The following THADA variants were observed in gnomAD, a reference collection of about 807,000 sequenced individuals.
THADA encodes THADA armadillo repeat containing, also known as tRNA (32-2'-O)-methyltransferase regulator THADA.
THADA carries 213 observed loss-of-function variants against 219.8 expected under a neutral mutation model. The observed-to-expected ratio is 0.97, with a 90% confidence interval of 0.87 to 1.09. The LOEUF (loss-of-function observed/expected upper bound fraction) is 1.09. Among genes scored for constraint, THADA ranks in the 50% least tolerant of loss-of-function variants. The probability of loss-of-function intolerance (pLI) is 0.00; values close to 1 mark genes in which losing one functional copy is unlikely to be tolerated. For synonymous variants in THADA, 1,018 were observed against 828.9 expected, an observed-to-expected ratio of 1.23 and a Z score of -3.92; for missense variants, 2,956 against 2,311.3, an observed-to-expected ratio of 1.28 and a Z score of -5.72.
chr2:43,296,532 T>G (rs1238251693), intron 31 of THADA, among the ~76,000 whole-genome samples: 23 of 152,254 alleles, frequency 1.5e-4, no homozygotes, highest in Non-Finnish European at 1.5e-5. Context: ...CGCCTCGGCC[T>G]CCCAAAGTGC....
At chr2:43,372,910 G>C (rs181310327) in intron 29 of THADA, among the ~76,000 whole-genome samples, 1 of 152,048 alleles carries the variant, frequency 6.6e-6, no homozygotes, top group Non-Finnish European at 1.5e-5. Flanking sequence ...CACTATGTTA[G>C]CCAGGCTGCT....
chr2:43,262,354 C>T (rs1671053785), intron 36 of THADA, among the ~76,000 whole-genome samples: 1 of 152,196 alleles, frequency 6.6e-6, no homozygotes, highest in Non-Finnish European at 1.5e-5. Context: ...CTAGCTAATG[C>T]TTCTGGCAAC....
chr2:43,233,161 T>TC (rs1667641542), intron 36 of THADA: 3 of 376,284 alleles, frequency 8.0e-6, no homozygotes, highest in Non-Finnish European at 1.5e-5. Flanking sequence ...GAGAGTTATC[T>TC]CCCCTCTGCT....
intron 35 of THADA, among the ~76,000 whole-genome samples, chr2:43,280,411 A>G (rs1021118268): frequency 3.3e-5 from 5 of 152,142 alleles, no homozygotes; most frequent in African/African-American, 1.2e-4. Flanking sequence ...AGGAGAGTGG[A>G]TCACGAGGTC....
At chr2:43,584,057 A>G (rs1379467311) in intron 7 of THADA, among the ~76,000 whole-genome samples, 1 of 151,162 alleles carries the variant, frequency 6.6e-6, no homozygotes, top group Non-Finnish European at 1.5e-5. Context: ...AAAAAAAAAA[A>G]AAGGAAAAAT....
chr2:43,456,213 G>C (rs916994925), intron 26 of THADA, among the ~76,000 whole-genome samples: 1 of 152,102 alleles, frequency 6.6e-6, no homozygotes, highest in Non-Finnish European at 1.5e-5. Context: ...CACATTAAAA[G>C]TTTAAAAAAA....
rs1157221089 is a variant in THADA, at chr2:43,286,956, G to T, written c.5116C>A (p.Leu1706Ile). Residue 1706 changes from leucine to isoleucine, a missense_variant, in exon 35 of 38, where the codon CTC (leucine) becomes ATC (isoleucine). Physicochemically the swap from Leu to Ile is conservative, Grantham distance 5. Coordinates refer to ENST00000405975, the MANE Select transcript of THADA (RefSeq NM_022065.5). ...AGGAAAAGTGGTGTAGTACTGGTGA[G>T]GACTTCAACGACGGCCAGCCTAGAC... ...TESRLAVVEV[L>I]TSTTPLFLTN... The T allele has an allele frequency of 1.9e-6, 3 of 1,613,978 alleles. No homozygotes were observed. Among genetic ancestry groups the T allele is most frequent in the Non-Finnish European group, 2.5e-6 (3 of 1,179,886 alleles).
intron 31 of THADA, among the ~76,000 whole-genome samples, chr2:43,310,284 T>A (rs1176013554): frequency 7.7e-6 from 1 of 130,382 alleles, no homozygotes; most frequent in Non-Finnish European, 1.5e-5. Context: ...GAACCCAGAA[T>A]AGGCAAAGCA....
At chr2:43,394,717 C>T (rs1021660150) in intron 29 of THADA, among the ~76,000 whole-genome samples, 1 of 152,234 alleles carries the variant, frequency 6.6e-6, no homozygotes, top group African/African-American at 2.4e-5. Context: ...ACTAGGACAA[C>T]ACAGGTGTGA....
At chr2:43,338,220 G>A (rs994264904) in intron 30 of THADA, among the ~76,000 whole-genome samples, 6 of 146,868 alleles carry the variant, frequency 4.1e-5, no homozygotes, top group African/African-American at 1.3e-4. Context: ...GCAGTGGCAC[G>A]ATCTCGGCTC....
At chr2:43,285,712 G>A (rs1449772044) in intron 35 of THADA, among the ~76,000 whole-genome samples, 1 of 151,928 alleles carries the variant, frequency 6.6e-6, no homozygotes, top group African/African-American at 2.4e-5. Context: ...CACCAAGCCT[G>A]GCTAATTTTT....
intron 31 of THADA, among the ~76,000 whole-genome samples, chr2:43,296,171 G>C (rs1201703481): frequency 8.6e-5 from 13 of 152,030 alleles, no homozygotes; most frequent in African/African-American, 2.7e-4. Context: ...GCTCGCCTCA[G>C]CCTCCCAAAG....
chr2:43,390,289 A>C (rs1673202151), intron 29 of THADA, among the ~76,000 whole-genome samples: 2 of 152,166 alleles, frequency 1.3e-5, no homozygotes, highest in Non-Finnish European at 2.9e-5. Flanking sequence ...AAGTTTCTAA[A>C]GTAATGGCAT....
intron 22 of THADA, among the ~76,000 whole-genome samples, chr2:43,523,790 A>G (rs193007335): frequency 2.6e-5 from 4 of 152,356 alleles, no homozygotes; most frequent in Admixed American, 2.6e-4. Context: ...AAGCTACATT[A>G]CAAGTAAAGC....
intron 29 of THADA, among the ~76,000 whole-genome samples, chr2:43,397,168 G>A (rs1365149624): frequency 1.3e-5 from 2 of 152,162 alleles, no homozygotes; most frequent in Non-Finnish European, 2.9e-5. Context: ...CACACTGCCT[G>A]CCATGTCAGC....
At chr2:43,410,827 T>C (rs1373941713) in intron 28 of THADA, among the ~76,000 whole-genome samples, 1 of 152,188 alleles carries the variant, frequency 6.6e-6, no homozygotes, top group Non-Finnish European at 1.5e-5. Flanking sequence ...AATATCAAAT[T>C]GTACACTTTA....
chr2:43,234,045 C>T (rs1356661037), intron 36 of THADA, among the ~76,000 whole-genome samples: 2 of 152,158 alleles, frequency 1.3e-5, no homozygotes, highest in Non-Finnish European at 2.9e-5. Context: ...GCTTAGTTCC[C>T]GTGGGTGTTG....
Position 43,292,211 on chromosome 2 carries a change from A to T in THADA, c.4830T>A (p.Ile1610=). Residue 1610 remains isoleucine (I), a synonymous_variant, in exon 33 of 38, where the codon ATT becomes ATA. Coordinates refer to ENST00000405975, the MANE Select transcript of THADA (RefSeq NM_022065.5). ...HPECFCKILK[I]LHCMDPGEWL... ...ACTCACCAGGGTCCATGCAGTGGAG[A>T]ATTTTCAGTATCTGTGTAAGCCAAA... 6.2e-7 allele frequency: 1 copy of T among 1,603,402 alleles called. No homozygotes were observed. The highest frequency in any genetic ancestry group is 8.5e-7 in the Non-Finnish European group (1 of 1,175,624).
chr2:43,516,229 A>G lies in THADA; in HGVS notation c.3375-7449T>C, dbSNP rs1215950660. On this transcript the variant is annotated intron_variant, in intron 22 of 37. Coordinates refer to ENST00000405975, the MANE Select transcript of THADA (RefSeq NM_022065.5). ...AGTCTATTATCAACACAGAAGTAAG[A>G]GTAATCCTTTTAAAAGATGAGATCA... Among the ~76,000 whole-genome samples the G allele has an allele frequency of 2.6e-5, 4 of 152,154 alleles. 1 individual carries two copies. In the South Asian group the frequency reaches 8.3e-4, roughly 32 times the overall value.
Sources: allele counts gnomAD v4.1 joint callset (sites outside exome capture counted in the v4.1 genomes callset), GRCh38; gene constraint gnomAD v4.1.1; transcripts MANE v1.5; gene names NCBI Gene and HGNC (gene_info 2026-07-23, HGNC 2026-07-21).